PLK5: variants seen among roughly 807,000 people sequenced by gnomAD.
PLK5 encodes inactive serine/threonine-protein kinase PLK5.
PLK5 carries 28 observed loss-of-function variants against 33.7 expected under a neutral mutation model. That is an observed-to-expected ratio of 0.83 (90% CI 0.62 to 1.14). PLK5 has a LOEUF of 1.14. Among genes scored for constraint, PLK5 ranks in the 50% most tolerant of loss-of-function variants. PLK5 has a pLI of 0.00. For synonymous variants in PLK5, 225 were observed against 202.2 expected (o/e 1.11, Z -0.96); for missense variants, 492 against 461.5 (o/e 1.07, Z -0.61).
At chr19:1,529,524 G>A (rs1913863658) in intron 10 of PLK5, 34 bp downstream of exon 10, 2 of 1,521,860 alleles carry the variant, frequency 1.3e-6, no homozygotes, top group African/African-American at 1.4e-5. Flanking sequence ...CGGGGCTGCA[G>A]GTGGGGAGGG....
At chr19:1,531,647 C>T in intron 11 of PLK5, 91 bp from the exon 12 acceptor site, 1 of 1,443,296 alleles carries the variant, frequency 6.9e-7, no homozygotes, top group South Asian at 1.3e-5. Context: ...GGAAGGGTCT[C>T]ACCCATGGTT....
rs1331747969 is a variant in PLK5 at position 1,535,416 on chromosome 19, G to T, written c.*166G>T. 3.0e-6 allele frequency: 2 copies of T among 668,916 alleles called. No individual in the cohort carries two copies. The highest frequency in any genetic ancestry group is 6.5e-5 in the East Asian group (2 of 30,602). The allele number at this position is 668,916 out of a possible 1,614,324, so 41.4% of individuals were successfully genotyped here. A position where few individuals can be genotyped will look rare whatever the true frequency, so the allele number is the denominator to read the frequency against. ...TGACTGTTCAACCCAGACTTTGCTG[G>T]GATCTCTTCCTTTTTCATTAAAGAC... On this transcript the variant is annotated 3_prime_UTR_variant, in exon 14 of 14. Transcript: ENST00000454744.
At chr19:1,527,914 T>C (rs746766265) in intron 6 of PLK5, 22 bp from the exon 7 acceptor site, 1 of 1,528,156 alleles carries the variant, frequency 6.5e-7, no homozygotes, top group South Asian at 1.2e-5. Flanking sequence ...ACACCCAGGT[T>C]CTTGCCCCCC....
chr19:1,527,245 G>A (rs567858875), intron 6 of PLK5, among the ~76,000 whole-genome samples: 4 of 152,124 alleles, frequency 2.6e-5, no homozygotes, highest in East Asian at 3.9e-4. Flanking sequence ...AGGTCAGGGC[G>A]TATGTGTACA....
intron 10 of PLK5, 46 bp from the exon 11 acceptor site, chr19:1,529,700 TG>T (rs1288131045): frequency 1.4e-5 from 22 of 1,523,880 alleles, no homozygotes; most frequent in Non-Finnish European, 1.8e-5. Flanking sequence ...AAGAGCCTGG[TG>T]GTGGGAACCC....
chr19:1,534,718 G>A (rs1306953303), intron 13 of PLK5, among the ~76,000 whole-genome samples: 1 of 151,526 alleles, frequency 6.6e-6, no homozygotes, highest in African/African-American at 2.4e-5. Flanking sequence ...TGGGGAGGCT[G>A]AGGCAGGAGA....
intron 13 of PLK5, 34 bp from the exon 14 acceptor site, chr19:1,535,031 C>A: frequency 6.8e-7 from 1 of 1,468,978 alleles, no homozygotes; most frequent in South Asian, 1.3e-5. Context: ...CAGGGGTACC[C>A]GTCTCCCCTT....
chr19:1,534,602 G>A (rs1430740845), intron 13 of PLK5, among the ~76,000 whole-genome samples: 1 of 147,946 alleles, frequency 6.8e-6, no homozygotes, highest in Non-Finnish European at 1.5e-5. Flanking sequence ...TCAGGAGATA[G>A]AGACCATCCT....
rs1478385585 is a variant in PLK5, at chr19:1,526,977, T to TCCTA, written c.-19_-18insCTAC. On this transcript the variant is annotated 5_prime_UTR_variant, in exon 6 of 14. Transcript: ENST00000454744. ...AACGGTCACTCCTGCCAGTAGGACA[T>TCCTA]CTGGGCTCTGGGCTGCATCATGTGA... 17 of 1,515,936 alleles carry TCCTA rather than the reference T, an allele frequency of 1.1e-5. No homozygotes were observed. The South Asian group carries it at 2.0e-4, about 18-fold the overall frequency. The allele number at this position is 1,515,936 out of a possible 1,614,324, so 93.9% of individuals were successfully genotyped here.
chr19:1,534,175 G>T, intron 13 of PLK5, 134 bp downstream of exon 13: 1 of 660,834 alleles, frequency 1.5e-6, no homozygotes. Flanking sequence ...AAAAAAAAAG[G>T]TATTGGCTCC....
intron 11 of PLK5, among the ~76,000 whole-genome samples, 177 bp downstream of exon 11, chr19:1,530,001 G>A (rs1446967723): frequency 2.0e-5 from 3 of 152,128 alleles, no homozygotes; most frequent in Non-Finnish European, 4.4e-5. Flanking sequence ...GCAGAGCCTG[G>A]CACGGAGGGC....
rs1166352772 is a variant in PLK5, at chr19:1,529,487, G to C, written c.487G>C (p.Ala163Pro). 2.0e-6 allele frequency: 3 copies of C among 1,535,564 alleles called. No homozygotes were observed. Among genetic ancestry groups the C allele is most frequent in the Non-Finnish European group, 2.6e-6 (3 of 1,146,566 alleles). ...VAQGTLQSDL[A>P]GPEGSRRPEV... ...ACAAGGGACCCTGCAGAGTGACCTG[G>C]CCGGTGAGCAGATCCCCGTCCCAGC... Residue 163 changes from alanine (A) to proline (P), a missense_variant, in exon 10 of 14, where the codon GCC (alanine) becomes CCC (proline). Ala to Pro is a conservative substitution (Grantham distance 27). Transcript: ENST00000454744.
At chr19:1,529,158 C>CT in intron 9 of PLK5, 184 bp downstream of exon 9, 1 of 664,002 alleles carries the variant, frequency 1.5e-6, no homozygotes. Context: ...ATGTGCCCAC[C>CT]TGGGCTTTCC....
At chr19:1,526,673 C>A in intron 4 of PLK5, 31 bp from the exon 5 acceptor site, 1 of 420,826 alleles carries the variant, frequency 2.4e-6, no homozygotes, top group Non-Finnish European at 4.4e-6. Context: ...CACGGATCCA[C>A]CCCCATGCGC....
At chr19:1,529,724 G>C (rs928691376) in intron 10 of PLK5, 23 bp from the exon 11 acceptor site, 2 of 1,535,816 alleles carry the variant, frequency 1.3e-6, no homozygotes, top group Non-Finnish European at 1.7e-6. Flanking sequence ...ACCTGTCTGC[G>C]GCACAAAGAC....
intron 9 of PLK5, among the ~76,000 whole-genome samples, 187 bp from the exon 10 acceptor site, chr19:1,529,219 C>T (rs1352084468): frequency 2.6e-5 from 4 of 152,220 alleles, no homozygotes; most frequent in Admixed American, 2.6e-4. Context: ...GGCTTCAGTC[C>T]ATCACATTTA....
chr19:1,526,996 C>T lies in PLK5; in HGVS notation c.-1C>T. 6.5e-7 allele frequency: 1 copy of T among 1,530,706 alleles called. No individual in the cohort carries two copies. The highest frequency in any genetic ancestry group is 8.7e-7 in the Non-Finnish European group (1 of 1,144,610). 94.8% of individuals were successfully genotyped at this position (1,530,706 alleles called of 1,614,324 possible). ...AGGACATCTGGGCTCTGGGCTGCAT[C>T]ATGTGAGTGGGGTCCTGGAGAAGGT... On this transcript the variant is annotated splice_region_variant and 5_prime_UTR_variant, in exon 6 of 14. Coordinates refer to ENST00000454744, the MANE Select transcript of PLK5 (RefSeq NM_001243079.2).
intron 8 of PLK5, 103 bp from the exon 9 acceptor site, chr19:1,528,795 C>A: frequency 1.0e-6 from 1 of 983,424 alleles, no homozygotes; most frequent in East Asian, 2.7e-5. Context: ...CCACCTGCTC[C>A]GCTCTGTCTC....
chr19:1,529,046 C>T (rs980316809), intron 9 of PLK5, 72 bp downstream of exon 9: 79 of 1,335,348 alleles, frequency 5.9e-5, no homozygotes, highest in Middle Eastern at 2.4e-4. Context: ...AAACCCCCTC[C>T]CCCATGCCGG....
Sources: gnomAD v4.1 joint callset for allele counts (sites outside exome capture counted in the v4.1 genomes callset) on GRCh38, gnomAD v4.1.1 for gene constraint, MANE v1.5 for transcripts, NCBI Gene and HGNC (gene_info 2026-07-23, HGNC 2026-07-21) for gene names.